The following RGS7 variants were observed in gnomAD, a reference collection of about 807,000 sequenced individuals.
RGS7 encodes regulator of G protein signaling 7, also known as regulator of G-protein signaling 7.
A neutral mutation model predicts 81.1 loss-of-function variants in RGS7; 27 were observed. That is an observed-to-expected ratio of 0.33 (90% CI 0.25 to 0.46). The LOEUF is 0.46. RGS7 is among the 20% of genes least tolerant of loss of function. The pLI, the probability that RGS7 is intolerant of heterozygous loss-of-function variation, is 1.00. For synonymous variants in RGS7, 208 were observed against 207.7 expected (o/e 1.00, Z -0.01); for missense variants, 396 against 607.4 (o/e 0.65, Z 3.66).
In RGS7 at chr1:241,144,713, G is replaced by A. The variant is rs368818299; in HGVS notation, c.79-45951C>T. On this transcript the variant is annotated intron_variant, in intron 2 of 18. Coordinates refer to ENST00000440928, the MANE Select transcript of RGS7 (RefSeq NM_001364886.1). This position sits in a 1 kb window ranked among gnomAD's most constrained non-coding sequence, Gnocchi z 4.7. ...GTATTTGAAATCTGTTTTTCCTCAC[G>A]GCAGCAACAAGCCTGCAGCACAGCG... 6.6e-6 allele frequency among the ~76,000 whole-genome samples: 1 copy of A among 152,084 alleles called. No individual in the cohort carries two copies. Among genetic ancestry groups the A allele is most frequent in the African/African-American group, 2.4e-5 (1 of 41,406 alleles).
At chr1:240,811,839 G>T in intron 14 of RGS7, 79 bp downstream of exon 14, 1 of 1,228,614 alleles carries the variant, frequency 8.1e-7, no homozygotes, top group Non-Finnish European at 1.2e-6. Flanking sequence ...AAGAATAATT[G>T]ATCTATTACC....
chr1:241,207,104 G>A (rs2073952109), intron 2 of RGS7, among the ~76,000 whole-genome samples: 1 of 151,018 alleles, frequency 6.6e-6, no homozygotes, highest in South Asian at 2.1e-4. Context: ...GAGTAGCTGG[G>A]ACTACAGGTG....
intron 6 of RGS7, among the ~76,000 whole-genome samples, chr1:240,878,285 C>T (rs1390002304): frequency 2.0e-5 from 3 of 152,122 alleles, no homozygotes; most frequent in African/African-American, 7.2e-5. Context: ...TTTTCTCCCC[C>T]TATTCTTCTT....
intron 9 of RGS7, among the ~76,000 whole-genome samples, chr1:240,856,487 T>A (rs1661148021): frequency 6.6e-6 from 1 of 152,206 alleles, no homozygotes; most frequent in African/African-American, 2.4e-5. Context: ...ACAGATTTTT[T>A]TCAGTGAAAA....
rs114062844 is a variant in RGS7, at chr1:240,850,662, A to G, written c.609+17925T>C. On this transcript the variant is annotated intron_variant, in intron 9 of 18. Transcript: ENST00000440928. Reference sequence around the variant, plus strand: ...AAAGCATGTTGGAAGCTGAGATAGGATGAGAGCTAAGACTTTTGAGCCAAA... The same window carrying G: ...AAAGCATGTTGGAAGCTGAGATAGGGTGAGAGCTAAGACTTTTGAGCCAAA... Among the ~76,000 whole-genome samples, 976 of 152,310 alleles carry G rather than the reference A, an allele frequency of 6.4e-3. 15 individuals carry two copies. The highest frequency in any genetic ancestry group is 0.022 in the African/African-American group (928 of 41,566).
chr1:241,136,601 G>A (rs552434104), intron 2 of RGS7, among the ~76,000 whole-genome samples: 9 of 152,334 alleles, frequency 5.9e-5, no homozygotes, highest in African/African-American at 2.2e-4. Flanking sequence ...ACCCACGAAA[G>A]GCCGGGTGAT....
At chr1:240,895,876 A>G (rs1669008297) in intron 6 of RGS7, among the ~76,000 whole-genome samples, 1 of 152,202 alleles carries the variant, frequency 6.6e-6, no homozygotes, top group South Asian at 2.1e-4. Flanking sequence ...GTCTTCCACA[A>G]TGGTTGACCT....
In RGS7 at chr1:241,110,173, C is replaced by G. The variant is rs979255467; in HGVS notation, c.79-11411G>C. Among the ~76,000 whole-genome samples the G allele has an allele frequency of 2.6e-5, 4 of 152,100 alleles. No individual in the cohort carries two copies. In the South Asian group the frequency reaches 6.2e-4, roughly 24 times the overall value. On this transcript the variant is annotated intron_variant, in intron 2 of 18. Transcript: ENST00000440928. ...ACCTCCAAATTATCTCTTTTTACAA[C>G]CTTTTAAATTCAGAGTTAATGAACG...
chr1:241,244,522 T>G (rs2148163065), intron 2 of RGS7, among the ~76,000 whole-genome samples: 1 of 152,272 alleles, frequency 6.6e-6, no homozygotes, highest in South Asian at 2.1e-4. Context: ...TGTAAACTAG[T>G]TCAACCATTG....
At chr1:241,233,029 A>C (rs1317171378) in intron 2 of RGS7, among the ~76,000 whole-genome samples, 1 of 152,200 alleles carries the variant, frequency 6.6e-6, no homozygotes, top group Non-Finnish European at 1.5e-5. Context: ...TGACATGAAA[A>C]GGGTTCCATA....
chr1:240,862,717 A>C (rs561398771), intron 9 of RGS7, among the ~76,000 whole-genome samples: 1 of 152,344 alleles, frequency 6.6e-6, no homozygotes, highest in East Asian at 1.9e-4. Flanking sequence ...AAATATAATG[A>C]CATAACTTAA....
intron 2 of RGS7, 145 bp from the exon 3 acceptor site, chr1:241,098,907 A>G: frequency 3.0e-6 from 2 of 671,406 alleles, no homozygotes; most frequent in Non-Finnish European, 5.3e-6. Context: ...CCACATTAAT[A>G]GTTTAAATAC....
chr1:241,052,933 G>A (rs2061326445), intron 3 of RGS7, among the ~76,000 whole-genome samples: 1 of 151,750 alleles, frequency 6.6e-6, no homozygotes, highest in Non-Finnish European at 1.5e-5. Flanking sequence ...ATCATCCTCT[G>A]CTTGATTTGA....
intron 3 of RGS7, among the ~76,000 whole-genome samples, chr1:241,047,329 T>A (rs2060988284): frequency 6.6e-6 from 1 of 152,144 alleles, no homozygotes; most frequent in Non-Finnish European, 1.5e-5. Flanking sequence ...TGTGCACAAA[T>A]CTAAAATACT....
chr1:241,128,777 C>CAAAAAAAAAAAAAAAAAA (rs71172680), intron 2 of RGS7, among the ~76,000 whole-genome samples: 2 of 77,940 alleles, frequency 2.6e-5, no homozygotes, highest in Non-Finnish European at 5.1e-5. Flanking sequence ...GAATAATAGG[C>CAAAAAAAAAAAAAAAAAA]AAAAAAAAAA....
At chr1:240,955,483 C>T (rs1373215177) in intron 4 of RGS7, among the ~76,000 whole-genome samples, 2 of 147,414 alleles carry the variant, frequency 1.4e-5, no homozygotes, top group Admixed American at 6.8e-5. Context: ...ACCTGGGAGG[C>T]GGAGCTTGCA....
At chr1:241,055,957 A>G (rs1187605393) in intron 3 of RGS7, among the ~76,000 whole-genome samples, 2 of 152,202 alleles carry the variant, frequency 1.3e-5, no homozygotes, top group Non-Finnish European at 2.9e-5. Flanking sequence ...CTTATTATAA[A>G]TCACCATATT....
intron 2 of RGS7, among the ~76,000 whole-genome samples, chr1:241,251,773 T>C (rs1319910776): frequency 1.3e-5 from 2 of 151,726 alleles, no homozygotes; most frequent in African/African-American, 4.8e-5. Context: ...GCCTCCCAAA[T>C]TGCTGAGATT....
chr1:241,319,371 G>C (rs144324815), intron 2 of RGS7, among the ~76,000 whole-genome samples: 3 of 152,126 alleles, frequency 2.0e-5, no homozygotes, highest in African/African-American at 7.2e-5. Flanking sequence ...ACTGTTAATG[G>C]TGCCTATTAA....
Sources: gnomAD v4.1 joint callset for allele counts (sites outside exome capture counted in the v4.1 genomes callset) on GRCh38, gnomAD v4.1.1 for gene constraint, Gnocchi (gnomAD v3.1) non-coding constraint, MANE v1.5 for transcripts, NCBI Gene and HGNC (gene_info 2026-07-23, HGNC 2026-07-21) for gene names.